Variants in HK1 observed in about 807,000 individuals in gnomAD.
HK1 encodes the protein hexokinase 1.
In HK1, 28 loss-of-function variants were observed where a neutral mutation model predicts 91.6. The observed-to-expected ratio is 0.31, with a 90% CI of 0.23 to 0.42. The LOEUF (loss-of-function observed/expected upper bound fraction) is 0.42, where lower values mean the gene tolerates loss of function less well. HK1 is among the 10% of genes least tolerant of loss of function. HK1 has a pLI of 1.00. For missense variants in HK1, 770 were observed against 1,219.8 expected (o/e 0.63, Z 5.49); for synonymous variants, 430 against 468.1 (o/e 0.92, Z 1.05).
At chr10:69,272,506 A>G (rs892340371) in intron 1 of HK1, among the ~76,000 whole-genome samples, 4 of 152,026 alleles carry the variant, frequency 2.6e-5, no homozygotes, top group Admixed American at 6.6e-5. Flanking sequence ...ATGTCTTTTT[A>G]CCCTTCCTTT....
intron 2 of HK1, among the ~76,000 whole-genome samples, chr10:69,356,740 A>T (rs1305590567): frequency 2.0e-5 from 3 of 152,044 alleles, no homozygotes; most frequent in Non-Finnish European, 4.4e-5. Flanking sequence ...AAAATTAGCC[A>T]GGCGTGGTGG....
At chr10:69,324,764 C>T (rs551562490) in intron 1 of HK1, among the ~76,000 whole-genome samples, 1 of 152,262 alleles carries the variant, frequency 6.6e-6, no homozygotes, top group South Asian at 2.1e-4. Context: ...CTCCCATCCC[C>T]AGTTCTGGGG....
intron 1 of HK1, among the ~76,000 whole-genome samples, chr10:69,328,831 T>C (rs1337035386): frequency 1.3e-5 from 2 of 152,180 alleles, no homozygotes; most frequent in Non-Finnish European, 2.9e-5. Context: ...TGGCAACCAC[T>C]ATCTACCTTT....
chr10:69,322,044 C>T (rs1847065189), intron 1 of HK1, among the ~76,000 whole-genome samples: 1 of 152,234 alleles, frequency 6.6e-6, no homozygotes, highest in African/African-American at 2.4e-5. Context: ...CGCATCTCAT[C>T]TCGCCAGCTT....
intron 1 of HK1, among the ~76,000 whole-genome samples, chr10:69,276,842 T>A (rs923294502): frequency 6.6e-6 from 1 of 150,606 alleles, no homozygotes; most frequent in Non-Finnish European, 1.5e-5. Flanking sequence ...TCTATATATA[T>A]CCTACATATA....
chr10:69,301,759 G>A (rs1845885699), intron 5 of HK1, among the ~76,000 whole-genome samples: 3 of 152,070 alleles, frequency 2.0e-5, no homozygotes, highest in Admixed American at 2.0e-4. Flanking sequence ...TGGATTGGAA[G>A]ACACTATTGT....
At chr10:69,321,124 C>T (rs987943333) in intron 1 of HK1, among the ~76,000 whole-genome samples, 1 of 152,186 alleles carries the variant, frequency 6.6e-6, no homozygotes, top group African/African-American at 2.4e-5. Flanking sequence ...CACGGACTTC[C>T]TATGCTGCTT....
chr10:69,294,187 T>C (rs1821108825), intron 3 of HK1, among the ~76,000 whole-genome samples: 1 of 152,122 alleles, frequency 6.6e-6, no homozygotes, highest in African/African-American at 2.4e-5. Context: ...CAAGTGTCTG[T>C]TTGCATGGCA....
chr10:69,323,232 G>A (rs1174652778), intron 1 of HK1, among the ~76,000 whole-genome samples: 3 of 145,848 alleles, frequency 2.1e-5, no homozygotes, highest in Non-Finnish European at 3.0e-5. Flanking sequence ...GCAACAGAGC[G>A]AAACTCTGTC....
At chr10:69,314,437 C>A (rs543647973), upstream of HK1, among the ~76,000 whole-genome samples, 75 of 152,310 alleles carry the variant, frequency 4.9e-4, 1 homozygote, top group African/African-American at 1.7e-3. Flanking sequence ...AGGTTGGGAT[C>A]TCTTCCGAGG....
intron 17 of HK1, 111 bp downstream of exon 17, chr10:69,398,939 G>A (rs1840265037): frequency 1.3e-6 from 1 of 765,234 alleles, no homozygotes; most frequent in Non-Finnish European, 2.2e-6. Context: ...GCCCAGCCAG[G>A]CTGAAGGCTG....
At chr10:69,357,926 T>C (rs1172500550) in intron 2 of HK1, among the ~76,000 whole-genome samples, 2 of 152,214 alleles carry the variant, frequency 1.3e-5, no homozygotes, top group African/African-American at 4.8e-5. Flanking sequence ...GCTGTGCTGA[T>C]GGTTGCATAA....
At chr10:69,359,799 A>G (rs1589537273) in intron 2 of HK1, 98 bp from the exon 3 acceptor site, 5 of 1,111,472 alleles carry the variant, frequency 4.5e-6, no homozygotes, top group East Asian at 2.4e-5. Context: ...TGGCAGGGGG[A>G]GGCAGACAGG....
chr10:69,331,696 G>A (rs57686846), intron 1 of HK1, among the ~76,000 whole-genome samples: 3,831 of 152,128 alleles, frequency 0.025, 163 homozygotes, highest in African/African-American at 0.087. Flanking sequence ...GCAATATAGC[G>A]AGACCTCATC....
At chr10:69,349,209 T>C (rs1202623975) in intron 2 of HK1, among the ~76,000 whole-genome samples, 1 of 152,182 alleles carries the variant, frequency 6.6e-6, no homozygotes, top group East Asian at 1.9e-4. Context: ...TCTAGAACAC[T>C]GAATCGGTCT....
At chr10:69,389,073 G>T in intron 13 of HK1, 124 bp from the exon 14 acceptor site, 2 of 744,556 alleles carry the variant, frequency 2.7e-6, no homozygotes, top group Non-Finnish European at 2.4e-6. Flanking sequence ...TTGTAGGCTG[G>T]TAAGAAAACC....
chr10:69,394,249 C>G (rs1840038113), intron 15 of HK1, among the ~76,000 whole-genome samples: 1 of 152,226 alleles, frequency 6.6e-6, no homozygotes, highest in South Asian at 2.1e-4. Flanking sequence ...GTCCCAAGAA[C>G]AGGTTGACCT....
chr10:69,368,513 G>T, intron 4 of HK1, 23 bp from the exon 5 acceptor site: 1 of 1,607,018 alleles, frequency 6.2e-7, no homozygotes, highest in Non-Finnish European at 8.5e-7. Flanking sequence ...CCCTCATCCA[G>T]CCCCATCCAT....
chr10:69,298,002 G>T (rs1467126960), intron 4 of HK1, among the ~76,000 whole-genome samples: 2 of 151,546 alleles, frequency 1.3e-5, no homozygotes, highest in East Asian at 3.9e-4. Context: ...CCTGAGGTCA[G>T]GAGTTCCAGA....
Sources: allele counts gnomAD v4.1 joint callset (sites outside exome capture counted in the v4.1 genomes callset), GRCh38; gene constraint gnomAD v4.1.1; transcripts MANE v1.5; gene names NCBI Gene and HGNC (gene_info 2026-07-23, HGNC 2026-07-21).